Variants in BRIP1 observed in about 807,000 individuals in gnomAD.
The protein encoded by BRIP1 is BRCA1 interacting DNA helicase 1.
A neutral mutation model predicts 119.7 loss-of-function variants in BRIP1; 88 were observed. That is an observed-to-expected ratio of 0.74 (90% CI 0.62 to 0.88). The LOEUF (loss-of-function observed/expected upper bound fraction) is 0.88. BRIP1 is among the 40% of genes least tolerant of loss of function. The probability of loss-of-function intolerance (pLI) is 0.00; values close to 1 mark genes in which losing one functional copy is unlikely to be tolerated. For synonymous variants in BRIP1, 443 were observed against 496.5 expected (o/e 0.89, Z 1.43); for missense variants, 1,259 against 1,455.4 (o/e 0.87, Z 2.20).
In BRIP1 at chr17:61,743,125, A is replaced by G; in HGVS notation, c.2267T>C (p.Leu756Pro). ...TTTACCACGACAAACTGCTACCAGG[A>G]GAGCTCCATCTTAAACAACAGAAAA... Reference protein sequence around the residue: ...IKYKGEKDGALLVAVCRGKVS... With the variant: ...IKYKGEKDGAPLVAVCRGKVS... The change falls in exon 16 of 20, where the codon CTC becomes CCC. Residue 756 changes from leucine (L) to proline (P), a missense_variant. Around this residue, in one of 3 missense-constraint regions of BRIP1, gnomAD observed 753 missense variants for 891.8 expected, o/e 0.84. Transcript: ENST00000259008. The surrounding 1 kb of genome is among the most constrained non-coding windows in gnomAD (Gnocchi z 4.3). 1 of 1,614,014 alleles carries G rather than the reference A, an allele frequency of 6.2e-7. No homozygotes were observed. The highest frequency in any genetic ancestry group is 8.5e-7 in the Non-Finnish European group (1 of 1,179,916).
In BRIP1 at chr17:61,706,147, T is replaced by C. The variant is rs2061687224; in HGVS notation, c.2492+9804A>G. 6.6e-6 allele frequency among the ~76,000 whole-genome samples: 1 copy of C among 152,192 alleles called. No homozygotes were observed. Among genetic ancestry groups the C allele is most frequent in the South Asian group, 2.1e-4 (1 of 4,838 alleles). On this transcript the variant is annotated intron_variant, in intron 17 of 19. Transcript: ENST00000259008. The surrounding 1 kb of genome is among the most constrained non-coding windows in gnomAD (Gnocchi z 5.7). ...TGTCTTCTTGGTGAATTCACCCTTT[T>C]ATCATTATGTAATGTTCTCTTTTAT...
At chr17:61,732,248 T>A (rs980158092) in intron 16 of BRIP1, among the ~76,000 whole-genome samples, 1 of 152,110 alleles carries the variant, frequency 6.6e-6, no homozygotes, top group African/African-American at 2.4e-5. Context: ...CTCCAAGTGA[T>A]GGAATTACAG....
chr17:61,785,767 G>T (rs1024672940), intron 10 of BRIP1, among the ~76,000 whole-genome samples: 3 of 152,064 alleles, frequency 2.0e-5, no homozygotes, highest in Admixed American at 6.6e-5. Flanking sequence ...AACACTGGCA[G>T]AACACTGGCA....
chr17:61,706,380 G>A lies in BRIP1; in HGVS notation c.2492+9571C>T, dbSNP rs552441315. On this transcript the variant is annotated intron_variant, in intron 17 of 19. Transcript: ENST00000259008. The surrounding 1 kb of genome is among the most constrained non-coding windows in gnomAD (Gnocchi z 5.7). Reference sequence around the variant, plus strand: ...ACTTCATCTTTTCTAGGACTGAAACGCCCAAACTATTTTTTAAAGTTAATT... The same window carrying A: ...ACTTCATCTTTTCTAGGACTGAAACACCCAAACTATTTTTTAAAGTTAATT... Among the ~76,000 whole-genome samples, 8 of 152,074 alleles carry A rather than the reference G, an allele frequency of 5.3e-5. No individual in the cohort carries two copies. Among genetic ancestry groups the A allele is most frequent in the Admixed American group, 3.3e-4 (5 of 15,268 alleles).
At chr17:61,732,270 T>G (rs2076858624) in intron 16 of BRIP1, among the ~76,000 whole-genome samples, 1 of 152,102 alleles carries the variant, frequency 6.6e-6, no homozygotes, top group Admixed American at 6.6e-5. Flanking sequence ...TGTGAGCCAC[T>G]GCACCCGGCC....
intron 10 of BRIP1, among the ~76,000 whole-genome samples, chr17:61,791,599 A>G (rs985950346): frequency 2.6e-5 from 4 of 151,502 alleles, no homozygotes; most frequent in Non-Finnish European, 5.9e-5. Context: ...AGAGTCTAAG[A>G]GTCTAGCAGA....
At position 61,738,142 on chromosome 17, in the gene BRIP1, G is replaced by A. The variant is rs1360516854; in HGVS notation, c.2379+4871C>T. Reference sequence around the variant, plus strand: ...ATCAGCCAACTAGGGCAGAGTAGCTGAGCCCAGCTAAAATCGAGAGAGCCA... The same window carrying A: ...ATCAGCCAACTAGGGCAGAGTAGCTAAGCCCAGCTAAAATCGAGAGAGCCA... On this transcript the variant is annotated intron_variant, in intron 16 of 19. Transcript: ENST00000259008. This position sits in a 1 kb window ranked among gnomAD's most constrained non-coding sequence, Gnocchi z 4.2. Among the ~76,000 whole-genome samples, 1 of 152,198 alleles carries A rather than the reference G, an allele frequency of 6.6e-6. No homozygotes were observed. Among genetic ancestry groups the A allele is most frequent in the Non-Finnish European group, 1.5e-5 (1 of 68,044 alleles).
intron 14 of BRIP1, among the ~76,000 whole-genome samples, chr17:61,765,405 A>T (rs1173132730): frequency 3.1e-4 from 4 of 12,912 alleles, no homozygotes; most frequent in Non-Finnish European, 6.1e-4. Flanking sequence ...ATATATATAT[A>T]TATATATATA....
chr17:61,825,326 C>T lies in BRIP1; in HGVS notation c.628-16569G>A, dbSNP rs1295107760. Among the ~76,000 whole-genome samples the T allele has an allele frequency of 6.6e-6, 1 of 151,326 alleles. No homozygotes were observed. Among genetic ancestry groups the T allele is most frequent in the Non-Finnish European group, 1.5e-5 (1 of 67,778 alleles). Reference sequence around the variant, plus strand: ...GAAAAGAAAAGAAAAGAAAAGGAAGCCCTCTCTCACCACTCTTATTAAACA... The same window carrying T: ...GAAAAGAAAAGAAAAGAAAAGGAAGTCCTCTCTCACCACTCTTATTAAACA... On this transcript the variant is annotated intron_variant, in intron 6 of 19. Transcript: ENST00000259008. This position sits in a 1 kb window ranked among gnomAD's most constrained non-coding sequence, Gnocchi z 4.1.
At chr17:61,797,213 T>G (rs1437495869) in intron 9 of BRIP1, among the ~76,000 whole-genome samples, 1 of 151,798 alleles carries the variant, frequency 6.6e-6, no homozygotes, top group Non-Finnish European at 1.5e-5. Context: ...AAAATAGAAC[T>G]ACAGAAGAAA....
rs115354603 is a variant in BRIP1, at chr17:61,778,661, T to C, written c.1935+1600A>G. Among the ~76,000 whole-genome samples, 2,110 of 152,310 alleles carry C rather than the reference T, an allele frequency of 0.014. 60 individuals are homozygous for C. Among genetic ancestry groups the C allele is most frequent in the African/African-American group, 0.048 (1,976 of 41,564 alleles). ...AATAACATTCTTATGAGAAAACGTA[T>C]GCTGAATTTACCAACTTCCCATATT... On this transcript the variant is annotated intron_variant, in intron 13 of 19. Coordinates refer to ENST00000259008, the MANE Select transcript of BRIP1 (RefSeq NM_032043.3). The surrounding 1 kb of genome is among the most constrained non-coding windows in gnomAD (Gnocchi z 4.4).
chr17:61,852,665 C>G lies in BRIP1; in HGVS notation c.380-3409G>C, dbSNP rs2078839402. The stretch of plus-strand genomic sequence containing the variant: ...CCTGAGCGACAGAGTGAGACCCCAC[C>G]TCAAATAAAAAACAAAAGAAAAATG... On this transcript the variant is annotated intron_variant, in intron 4 of 19. Coordinates refer to ENST00000259008, the MANE Select transcript of BRIP1 (RefSeq NM_032043.3). The surrounding 1 kb of genome is among the most constrained non-coding windows in gnomAD (Gnocchi z 4.9). 6.6e-6 allele frequency among the ~76,000 whole-genome samples: 1 copy of G among 151,972 alleles called. No homozygotes were observed. Among genetic ancestry groups the G allele is most frequent in the Non-Finnish European group, 1.5e-5 (1 of 68,002 alleles).
At chr17:61,813,452 T>C (rs932463250) in intron 6 of BRIP1, among the ~76,000 whole-genome samples, 1 of 152,052 alleles carries the variant, frequency 6.6e-6, no homozygotes, top group Non-Finnish European at 1.5e-5. Flanking sequence ...TATGACTAAA[T>C]GTCCCTGAAC....
At chr17:61,835,596 A>G (rs1330039336) in intron 6 of BRIP1, among the ~76,000 whole-genome samples, 4 of 152,122 alleles carry the variant, frequency 2.6e-5, no homozygotes, top group African/African-American at 9.7e-5. Context: ...TTTACTTCAG[A>G]TAGTGGGAAT....
Position 61,744,562 on chromosome 17 carries a change from G to T in BRIP1, c.2127C>A (p.Leu709=), listed in dbSNP as rs1060504325. ...KLLEKLKERW[L]STGLWHNLEL... Reference sequence around the variant, plus strand: ...CCAGATTATGCCATAAACCAGTAGAGAGCCAACGTTCTTTTAATTTTTCTA... The same window carrying T: ...CCAGATTATGCCATAAACCAGTAGATAGCCAACGTTCTTTTAATTTTTCTA... Residue 709 remains leucine (L), a synonymous_variant, in exon 15 of 20, where the codon CTC becomes CTA. Transcript: ENST00000259008. The surrounding 1 kb of genome is among the most constrained non-coding windows in gnomAD (Gnocchi z 5.0). The T allele has an allele frequency of 6.2e-7, 1 of 1,613,674 alleles. No individual in the cohort carries two copies. Among genetic ancestry groups the T allele is most frequent in the South Asian group, 1.1e-5 (1 of 91,074 alleles).
At chr17:61,688,831 G>T (rs942805400) in intron 18 of BRIP1, among the ~76,000 whole-genome samples, 2 of 147,618 alleles carry the variant, frequency 1.4e-5, no homozygotes, top group Admixed American at 6.7e-5. Context: ...ACAAGTTCAA[G>T]AAAATAATAT....
At position 61,695,129 on chromosome 17, in the gene BRIP1, TG is replaced by T. The variant is rs2061502682; in HGVS notation, c.2493-1618del. ...TCAAGAAAATTTATACCTCTGTTTT[TG>T]CCTTTTTCTGTCTTTGATCCACTTT... On this transcript the variant is annotated intron_variant, in intron 17 of 19. Coordinates refer to ENST00000259008, the MANE Select transcript of BRIP1 (RefSeq NM_032043.3). The surrounding 1 kb of genome is among the most constrained non-coding windows in gnomAD (Gnocchi z 4.3). 2.0e-5 allele frequency among the ~76,000 whole-genome samples: 3 copies of T among 152,100 alleles called. No individual in the cohort carries two copies. The highest frequency in any genetic ancestry group is 7.2e-5 in the African/African-American group (3 of 41,450).
chr17:61,773,004 C>T (rs1361698295), intron 14 of BRIP1, among the ~76,000 whole-genome samples: 1 of 151,594 alleles, frequency 6.6e-6, no homozygotes, highest in Non-Finnish European at 1.5e-5. Context: ...ACCATTCTAA[C>T]ATTATTTAAT....
At chr17:61,731,981 C>CA in intron 16 of BRIP1, among the ~76,000 whole-genome samples, 1 of 83,026 alleles carries the variant, frequency 1.2e-5, no homozygotes, top group Admixed American at 1.3e-4. Context: ...TTCTTTCTTT[C>CA]TTTTTTTTTT....
Sources: gnomAD v4.1 joint callset for allele counts (sites outside exome capture counted in the v4.1 genomes callset) on GRCh38, gnomAD v4.1.1 for gene constraint, gnomAD v4.1.1 regional missense constraint, Gnocchi (gnomAD v3.1) non-coding constraint, MANE v1.5 for transcripts, NCBI Gene and HGNC (gene_info 2026-07-23, HGNC 2026-07-21) for gene names.